Variants in SYNM observed in about 807,000 individuals in gnomAD.
The protein encoded by SYNM is synemin.
Under a neutral mutation model 104.0 loss-of-function variants are expected in SYNM, and 95 were observed. The ratio of observed to expected loss-of-function variants is 0.91; its 90% CI spans 0.77 to 1.08. The LOEUF is 1.08. Among genes scored for constraint, SYNM ranks in the 50% least tolerant of loss-of-function variants. SYNM has a pLI of 0.00. For synonymous variants in SYNM, 918 were observed against 869.0 expected, an observed-to-expected ratio of 1.06 and a Z score of -0.99; for missense variants, 2,150 against 2,052.2, an observed-to-expected ratio of 1.05 and a Z score of -0.92.
At chr15:99,121,707 G>A (rs76819907) in intron 2 of SYNM, among the ~76,000 whole-genome samples, 2,746 of 152,274 alleles carry the variant, frequency 0.018, 83 homozygotes, top group African/African-American at 0.062. Flanking sequence ...CACACACTCA[G>A]CATAGAGCCC....
At position 99,131,963 on chromosome 15, in the gene SYNM, C is replaced by T. The variant is rs2067514219; in HGVS notation, c.3603C>T (p.Gly1201=). The T allele has an allele frequency of 1.9e-6, 3 of 1,613,766 alleles. No homozygotes were observed. Among genetic ancestry groups the T allele is most frequent in the African/African-American group, 1.3e-5 (1 of 74,954 alleles). The change falls in exon 4 of 4, where the codon GGC becomes GGT. Residue 1201 remains glycine, a synonymous_variant. Coordinates refer to ENST00000336292, the MANE Select transcript of SYNM (RefSeq NM_145728.3). This position sits in a 1 kb window ranked among gnomAD's most constrained non-coding sequence, Gnocchi z 4.3. ...GPAPACPEAW[G]SPEPGPAESS... ...CCCCTGCCTGTCCAGAGGCATGGGG[C>T]TCGCCAGAACCTGGCCCAGCAGAGT...
intron 2 of SYNM, among the ~76,000 whole-genome samples, chr15:99,119,154 G>A (rs1484578404): frequency 2.0e-5 from 3 of 152,196 alleles, no homozygotes; most frequent in Non-Finnish European, 2.9e-5. Flanking sequence ...CTGCACCTGC[G>A]AATCTCCCGG....
In SYNM at chr15:99,113,746, G is replaced by A. The variant is rs376075100; in HGVS notation, c.935+31G>A. On this transcript the variant is annotated intron_variant, in intron 2 of 3. Transcript: ENST00000336292. ...GAGACTGTGCTGAGTTGGCCTTGACGAAGCCATGGGGGTGTAACTTGCACA... is the reference window on the plus strand; with the variant it reads ...GAGACTGTGCTGAGTTGGCCTTGACAAAGCCATGGGGGTGTAACTTGCACA... 1.5e-4 allele frequency: 242 copies of A among 1,611,458 alleles called. No homozygotes were observed. In the East Asian group the frequency reaches 5.0e-3, roughly 33 times the overall value.
At chr15:99,115,500 C>T (rs1260049191) in intron 2 of SYNM, among the ~76,000 whole-genome samples, 7 of 136,786 alleles carry the variant, frequency 5.1e-5, no homozygotes, top group Admixed American at 7.7e-5. Context: ...AGTCTTGCTC[C>T]ATCTCCTAGG....
downstream of SYNM, among the ~76,000 whole-genome samples, chr15:99,138,644 C>T (rs1355653412): frequency 6.6e-6 from 1 of 152,244 alleles, no homozygotes; most frequent in African/African-American, 2.4e-5. Flanking sequence ...CTGTGACCAT[C>T]CTCACTGAGC....
rs181425497 is a variant in SYNM at position 99,123,384 on chromosome 15, C to T, written c.936-3338C>T. ...GAATACTGACCCCAGAAGCGATGCC[C>T]GGAAATGGCCCAGCACTGCCACGTT... On this transcript the variant is annotated intron_variant, in intron 2 of 3. Coordinates refer to ENST00000336292, the MANE Select transcript of SYNM (RefSeq NM_145728.3). 1.4e-3 allele frequency among the ~76,000 whole-genome samples: 216 copies of T among 151,980 alleles called. 1 individual carries two copies. Among genetic ancestry groups the T allele is most frequent in the Non-Finnish European group, 1.8e-3 (121 of 67,986 alleles).
rs11014 is a variant in SYNM at position 99,105,656 on chromosome 15, A to G, written c.457A>G (p.Arg153Gly). 2 of 1,406,964 alleles carry G rather than the reference A, an allele frequency of 1.4e-6. No homozygotes were observed. The highest frequency in any genetic ancestry group is 1.8e-6 in the Non-Finnish European group (2 of 1,088,128). 87.2% of individuals were successfully genotyped at this position (1,406,964 alleles called of 1,614,324 possible). A position where few individuals can be genotyped will look rare whatever the true frequency, so the allele number is the denominator to read the frequency against. The change falls in exon 1 of 4, where the codon AGG (arginine) becomes GGG (glycine). Residue 153 changes from arginine (R) to glycine (G), a missense_variant. Arg to Gly is a moderately radical substitution (Grantham distance 125). Transcript: ENST00000336292. Reference protein sequence around the residue: ...GLDAAHERDVRELRARAASLT... With the variant: ...GLDAAHERDVGELRARAASLT... ...CGACGCGGCCCACGAACGCGACGTG[A>G]GGGAGCTGCGCGCGCGCGCCGCCAG...
At chr15:99,127,482 G>A (rs782536559) in intron 3 of SYNM, among the ~76,000 whole-genome samples, 7 of 152,142 alleles carry the variant, frequency 4.6e-5, no homozygotes, top group African/African-American at 9.7e-5. Flanking sequence ...AGCAAGTGTC[G>A]ATTAAATTAC....
At chr15:99,126,373 G>T (rs782812079) in intron 2 of SYNM, among the ~76,000 whole-genome samples, 6 of 152,228 alleles carry the variant, frequency 3.9e-5, no homozygotes, top group Non-Finnish European at 7.3e-5. Flanking sequence ...CCTTGCTCCT[G>T]CTCCTCTTCA....
downstream of SYNM, chr15:99,135,598 G>A (rs1243038171): frequency 6.6e-6 from 1 of 152,596 alleles, no homozygotes; most frequent in Non-Finnish European, 1.5e-5. Context: ...AACCCACATT[G>A]TTCCTAAAGA....
chr15:99,137,573 A>G (rs1291502934), downstream of SYNM: 1 of 154,340 alleles, frequency 6.5e-6, no homozygotes, highest in Admixed American at 6.4e-5. Context: ...TTTTCTTCTC[A>G]TGTTATTCTC....
Position 99,130,964 on chromosome 15 carries a change from A to G in SYNM, c.2604A>G (p.Glu868=). 6.2e-7 allele frequency: 1 copy of G among 1,613,828 alleles called. No individual in the cohort carries two copies. Among genetic ancestry groups the G allele is most frequent in the Non-Finnish European group, 8.5e-7 (1 of 1,179,822 alleles). Reference sequence around the variant, plus strand: ...CCATCAGGTACTCTTGGCAGGATGAAATCGTGCAGGGGACTCGAAGGAGGA... The same window carrying G: ...CCATCAGGTACTCTTGGCAGGATGAGATCGTGCAGGGGACTCGAAGGAGGA... ...ESTIRYSWQD[E]IVQGTRRRTQ... Residue 868 remains glutamate, a synonymous_variant, in exon 4 of 4, where the codon GAA becomes GAG. Coordinates refer to ENST00000336292, the MANE Select transcript of SYNM (RefSeq NM_145728.3).
intron 1 of SYNM, among the ~76,000 whole-genome samples, chr15:99,108,850 T>C (rs964841782): frequency 2.4e-4 from 37 of 152,254 alleles, no homozygotes; most frequent in African/African-American, 8.4e-4. Flanking sequence ...CTTGCATTCA[T>C]AGCATAATGA....
In SYNM at chr15:99,122,497, T is replaced by C. The variant is rs151184589; in HGVS notation, c.936-4225T>C. 8.3e-4 allele frequency among the ~76,000 whole-genome samples: 126 copies of C among 152,322 alleles called. 2 individuals are homozygous for C. The East Asian group carries it at 0.022, about 26-fold the overall frequency. On this transcript the variant is annotated intron_variant, in intron 2 of 3. Coordinates refer to ENST00000336292, the MANE Select transcript of SYNM (RefSeq NM_145728.3). ...AAAAATGTGTGAACACTGAGACTTA[T>C]CTAGTTACTAGATAAAATACTTGAA...
intron 3 of SYNM, among the ~76,000 whole-genome samples, chr15:99,128,001 CTTCATTCA>C (rs57585643): frequency 0.076 from 11,426 of 151,086 alleles, 469 homozygotes; most frequent in Admixed American, 0.12. Context: ...TGTTAACTTG[CTTCATTCA>C]TTCATTCATT....
At position 99,105,540 on chromosome 15, in the gene SYNM, G is replaced by A; in HGVS notation, c.341G>A (p.Gly114Asp). 8.2e-7 allele frequency: 1 copy of A among 1,225,492 alleles called. No individual in the cohort carries two copies. 75.9% of individuals were successfully genotyped at this position (1,225,492 alleles called of 1,614,324 possible). A position where few individuals can be genotyped will look rare whatever the true frequency, so the allele number is the denominator to read the frequency against. Residue 114 changes from glycine (G) to aspartate (D), a missense_variant, in exon 1 of 4, where the codon GGT becomes GAT. Physicochemically the swap from Gly to Asp is moderately conservative, Grantham distance 94 (BLOSUM62 -1). Coordinates refer to ENST00000336292, the MANE Select transcript of SYNM (RefSeq NM_145728.3). ...CGCGGCCGCCTGGACGCCGAGCTGG[G>A]TGCGCAGCAGCGCGAGCTGCAGGAG... Reference protein sequence around the residue: ...AARGRLDAELGAQQRELQEAL... With the variant: ...AARGRLDAELDAQQRELQEAL...
At chr15:99,113,452 G>A in intron 1 of SYNM, 139 bp from the exon 2 acceptor site, 2 of 1,094,616 alleles carry the variant, frequency 1.8e-6, no homozygotes, top group South Asian at 1.5e-5. Context: ...GTGACTGCAT[G>A]TTTAATAACG....
At chr15:99,119,547 C>T (rs2067380837) in intron 2 of SYNM, among the ~76,000 whole-genome samples, 4 of 152,186 alleles carry the variant, frequency 2.6e-5, no homozygotes, top group South Asian at 2.1e-4. Context: ...CCAGGACCCA[C>T]GCGCCAGTCT....
intron 2 of SYNM, among the ~76,000 whole-genome samples, chr15:99,125,023 G>A (rs2151806416): frequency 1.3e-5 from 2 of 152,398 alleles, no homozygotes; most frequent in South Asian, 4.1e-4. Context: ...AATTCTGGAA[G>A]AGGAGCAGAT....
Sources: allele counts gnomAD v4.1 joint callset (sites outside exome capture counted in the v4.1 genomes callset), GRCh38; gene constraint gnomAD v4.1.1; non-coding constraint Gnocchi (gnomAD v3.1); transcripts MANE v1.5; gene names NCBI Gene and HGNC (gene_info 2026-07-23, HGNC 2026-07-21).